The following DHX8 variants were observed in gnomAD, a reference collection of about 807,000 sequenced individuals.
DHX8 encodes the protein DEAH-box helicase 8.
In DHX8, 67 loss-of-function variants were observed where a neutral mutation model predicts 140.7. The ratio of observed to expected loss-of-function variants is 0.48; its 90% confidence interval spans 0.39 to 0.58. DHX8 has a LOEUF of 0.58. DHX8 is among the 20% of genes least tolerant of loss of function. DHX8 has a pLI of 0.00. For synonymous variants in DHX8, 533 were observed against 553.2 expected (o/e 0.96, Z 0.51); for missense variants, 887 against 1,550.7 (o/e 0.57, Z 7.19).
At chr17:43,515,126 T>C (rs1474807179) in intron 17 of DHX8, among the ~76,000 whole-genome samples, 2 of 152,236 alleles carry the variant, frequency 1.3e-5, no homozygotes, top group Non-Finnish European at 2.9e-5. Flanking sequence ...CTTTCATAAT[T>C]TGTGAAAGCC....
intron 16 of DHX8, among the ~76,000 whole-genome samples, chr17:43,512,787 T>C (rs1969916741): frequency 6.6e-6 from 1 of 152,206 alleles, no homozygotes; most frequent in Non-Finnish European, 1.5e-5. Flanking sequence ...AGTGCCAAGC[T>C]GAGACTAATA....
At position 43,496,199 on chromosome 17, in the gene DHX8, C is replaced by G. The variant is rs766663336; in HGVS notation, c.1231C>G (p.Leu411Val). 1.9e-6 allele frequency: 3 copies of G among 1,613,936 alleles called. No homozygotes were observed. In the Admixed American group the frequency reaches 5.0e-5, roughly 27 times the overall value. ...TGGCTAGATGATTGCTGCCAATGTC[C>G]TTTCCAAAGAAGAATTTCCAGACTT... is the stretch of plus-strand genomic sequence containing the variant. Reference protein sequence around the residue: ...EIKQMIAANVLSKEEFPDFDE... With the variant: ...EIKQMIAANVVSKEEFPDFDE... The change falls in exon 9 of 23, where the codon CTT becomes GTT. Residue 411 changes from leucine (L) to valine (V), a missense_variant. By Grantham distance (32) the Leu-to-Val change is conservative (BLOSUM62 1). This residue lies in a region of DHX8 where 178 missense variants were observed against 398.5 expected (regional missense o/e 0.45). Coordinates refer to ENST00000262415, the MANE Select transcript of DHX8 (RefSeq NM_004941.3).
chr17:43,496,146 C>T (rs746658410), intron 8 of DHX8, 35 bp from the exon 9 acceptor site: 1 of 1,518,662 alleles, frequency 6.6e-7, no homozygotes, highest in South Asian at 1.2e-5. Flanking sequence ...TTGATCTTAG[C>T]AGGTTACAAA....
At chr17:43,532,577 TGA>T (rs1971001310) in intron 2 of DHX8, 2 of 1,145,826 alleles carry the variant, frequency 1.7e-6, no homozygotes, top group South Asian at 1.6e-5. Context: ...GTTGGATGTA[TGA>T]AATGGTAAAC....
chr17:43,532,987 T>A, intron 2 of DHX8: 2 of 1,526,208 alleles, frequency 1.3e-6, no homozygotes, highest in Non-Finnish European at 1.8e-6. Flanking sequence ...TTTAAATTAA[T>A]CCTTCCTCGA....
At chr17:43,534,460 C>G (rs1686011131) in intron 2 of DHX8, among the ~76,000 whole-genome samples, 1 of 152,162 alleles carries the variant, frequency 6.6e-6, no homozygotes, top group Admixed American at 6.5e-5. Context: ...TGCCACTGCA[C>G]TCCAGCCTGG....
chr17:43,511,234 A>G (rs9915326), intron 16 of DHX8, among the ~76,000 whole-genome samples: 34,121 of 151,774 alleles, frequency 0.22, 4,097 homozygotes, highest in Middle Eastern at 0.32. Flanking sequence ...GGAGGCTGGG[A>G]CAGGAGAATC....
downstream of DHX8, chr17:43,529,623 G>T: frequency 1.2e-6 from 2 of 1,614,072 alleles, no homozygotes; most frequent in Non-Finnish European, 1.7e-6. Context: ...GCACCCCGGC[G>T]CTGGTAGGGC....
downstream of DHX8, chr17:43,530,429 G>A (rs1970853277): frequency 2.9e-6 from 4 of 1,401,378 alleles, no homozygotes; most frequent in South Asian, 4.6e-5. Flanking sequence ...GCGGGGGCTG[G>A]GCAAGCTGTT....
At chr17:43,511,851 C>CAAA (rs1210970204) in intron 16 of DHX8, among the ~76,000 whole-genome samples, 2 of 67,942 alleles carry the variant, frequency 2.9e-5, no homozygotes, top group African/African-American at 6.3e-5. Flanking sequence ...CCTATCTCTA[C>CAAA]AAAAAAAAAA....
chr17:43,492,689 CAAA>C lies in DHX8; in HGVS notation c.513_515del (p.Lys175del). 1.3e-6 allele frequency: 2 copies of C among 1,555,942 alleles called. No individual in the cohort carries two copies. Among genetic ancestry groups the C allele is most frequent in the Non-Finnish European group, 1.8e-6 (2 of 1,127,152 alleles). On this transcript the variant is annotated inframe_deletion, in exon 6 of 23. Coordinates refer to ENST00000262415, the MANE Select transcript of DHX8 (RefSeq NM_004941.3). The stretch of plus-strand genomic sequence containing the variant: ...GCTTATTGATTTGTTAGGGACAGGA[CAAA>C]GAAGAAGAAGCGGAGTCGAAGCCGA...
chr17:43,533,796 C>T, intron 2 of DHX8: 1 of 1,580,592 alleles, frequency 6.3e-7, no homozygotes, highest in Admixed American at 1.9e-5. Flanking sequence ...CTCATGGGTG[C>T]CCCCTGCCTC....
At chr17:43,486,954 G>A (rs1430511777) in intron 1 of DHX8, among the ~76,000 whole-genome samples, 1 of 151,934 alleles carries the variant, frequency 6.6e-6, no homozygotes. Context: ...GCTCTTTTGA[G>A]CATGACATGC....
intron 2 of DHX8, among the ~76,000 whole-genome samples, chr17:43,535,925 A>G (rs1457457738): frequency 6.6e-6 from 1 of 152,206 alleles, no homozygotes; most frequent in Non-Finnish European, 1.5e-5. Flanking sequence ...ATCCTGGCCA[A>G]CATGGTGAAA....
chr17:43,513,334 A>C (rs1598164216), intron 16 of DHX8, 28 bp from the exon 17 acceptor site: 1 of 1,608,342 alleles, frequency 6.2e-7, no homozygotes, highest in Non-Finnish European at 8.5e-7. Flanking sequence ...TGGGCACCTC[A>C]CTCCAGCTTT....
intron 10 of DHX8, 112 bp from the exon 11 acceptor site, chr17:43,499,844 G>T: frequency 8.4e-7 from 1 of 1,194,398 alleles, no homozygotes. Context: ...CTGTTACATT[G>T]ATAAGAACTT....
At chr17:43,526,663 T>C, downstream of DHX8, 1 of 1,527,702 alleles carries the variant, frequency 6.5e-7, no homozygotes, top group Non-Finnish European at 8.8e-7. Context: ...CCCTGGATGC[T>C]GCTTCTCAGC....
intron 11 of DHX8, among the ~76,000 whole-genome samples, chr17:43,501,127 A>G (rs1969170038): frequency 6.6e-6 from 1 of 152,188 alleles, no homozygotes; most frequent in South Asian, 2.1e-4. Context: ...TAATTAAATA[A>G]TCACCAAATA....
Position 43,507,031 on chromosome 17 carries a change from TC to T in DHX8, c.1758del (p.Ile587LeufsTer52). On this transcript the variant is annotated frameshift_variant, in exon 13 of 23. Coordinates refer to ENST00000262415, the MANE Select transcript of DHX8 (RefSeq NM_004941.3). LOFTEE classifies it high-confidence loss of function. ...GTCCATGACAATCAGATCCTGATTG[TC>T]ATTGGTGAGACAGGATCTGGAAAGA... ...QAVHDNQILIVIGETGSGKTT... is the reference protein window; with the variant it reads ...QAVHDNQILIXIGETGSGKTT... 6.2e-7 allele frequency: 1 copy of T among 1,610,778 alleles called. No homozygotes were observed. The highest frequency in any genetic ancestry group is 1.3e-5 in the African/African-American group (1 of 74,882).
Sources: gnomAD v4.1 joint callset for allele counts (sites outside exome capture counted in the v4.1 genomes callset) on GRCh38, gnomAD v4.1.1 for gene constraint, gnomAD v4.1.1 regional missense constraint, MANE v1.5 for transcripts, NCBI Gene and HGNC (gene_info 2026-07-23, HGNC 2026-07-21) for gene names.